The following GPSM1 variants were observed in gnomAD, a reference collection of about 807,000 sequenced individuals.
GPSM1 encodes the protein G protein-signaling modulator 1.
In GPSM1, 48 loss-of-function variants were observed where a neutral mutation model predicts 70.5. The ratio of observed to expected loss-of-function variants is 0.68; its 90% CI spans 0.54 to 0.87. The LOEUF (loss-of-function observed/expected upper bound fraction) is 0.87. GPSM1 is among the 40% of genes least tolerant of loss of function. The pLI, the probability that GPSM1 is intolerant of heterozygous loss-of-function variation, is 0.00. For missense variants in GPSM1, 981 were observed against 972.6 expected (o/e 1.01, Z -0.11); for synonymous variants, 416 against 430.1 (o/e 0.97, Z 0.41).
chr9:136,330,284 C>T (rs373688834), intron 1 of GPSM1, among the ~76,000 whole-genome samples: 1 of 152,126 alleles, frequency 6.6e-6, no homozygotes, highest in Non-Finnish European at 1.5e-5. Flanking sequence ...CAGCAGTCAC[C>T]AGCTCCCAGA....
intron 9 of GPSM1, 36 bp from the exon 10 acceptor site, chr9:136,348,661 G>A: frequency 6.5e-7 from 1 of 1,543,794 alleles, no homozygotes; most frequent in Middle Eastern, 2.0e-4. Context: ...GAGGTGCCAG[G>A]GTGGTGCTGG....
At chr9:136,339,184 GGA>G (rs1554769792) in intron 7 of GPSM1, among the ~76,000 whole-genome samples, 1 of 152,212 alleles carries the variant, frequency 6.6e-6, no homozygotes, top group East Asian at 1.9e-4. Flanking sequence ...GGCGTGGTGA[GGA>G]GAATGTTCTG....
chr9:136,339,436 A>T (rs1280044341), intron 7 of GPSM1, among the ~76,000 whole-genome samples: 4 of 152,292 alleles, frequency 2.6e-5, no homozygotes, highest in Admixed American at 2.6e-4. Flanking sequence ...AGAGCCGGCC[A>T]CAGGCCAGGT....
chr9:136,327,670 G>GGCTCCC lies in GPSM1; in HGVS notation c.-17_-12dup, dbSNP rs1176321253. The GGCTCCC allele has an allele frequency of 7.1e-6, 7 of 991,904 alleles. No individual in the cohort carries two copies. The highest frequency in any genetic ancestry group is 8.6e-6 in the Non-Finnish European group (7 of 810,306). 61.4% of individuals were successfully genotyped at this position (991,904 alleles called of 1,614,324 possible). A position where few individuals can be genotyped will look rare whatever the true frequency, so the allele number is the denominator to read the frequency against. On this transcript the variant is annotated 5_prime_UTR_variant, in exon 1 of 14. Coordinates refer to ENST00000440944, the MANE Select transcript of GPSM1 (RefSeq NM_001145638.3). The stretch of plus-strand genomic sequence containing the variant: ...CGGCCACGGCGCGGGGGGCGCTCCC[G>GGCTCCC]GCTCCCGCTCCCGCGTCCCCGACCC...
chr9:136,357,589 G>C (rs1327496331), intron 13 of GPSM1, among the ~76,000 whole-genome samples: 1 of 152,234 alleles, frequency 6.6e-6, no homozygotes, highest in African/African-American at 2.4e-5. Context: ...TGGAAGCTGA[G>C]ACCTCAGGCC....
Position 136,334,305 on chromosome 9 carries a change from G to A in GPSM1, c.69-142G>A, listed in dbSNP as rs117889864. ...CGTGCTTCCAGGCCTGTATCCCAAA[G>A]AGACACTTAGGTCTGTGAGCACAGA... On this transcript the variant is annotated intron_variant, in intron 1 of 13. Transcript: ENST00000440944. 2.6e-4 allele frequency: 165 copies of A among 641,310 alleles called. 1 individual carries two copies. The East Asian group carries it at 4.4e-3, about 17-fold the overall frequency. The allele number at this position is 641,310 out of a possible 1,614,324, so 39.7% of individuals were successfully genotyped here.
Position 136,349,703 on chromosome 9 carries a change from C to G in GPSM1, c.1395C>G (p.Pro465=). 2 of 1,567,966 alleles carry G rather than the reference C, an allele frequency of 1.3e-6. No homozygotes were observed. Among genetic ancestry groups the G allele is most frequent in the African/African-American group, 1.3e-5 (1 of 74,318 alleles). The part of the protein sequence containing the change: ...YQEGPDAERR[P]REGSHSPLDS... ...AAGGCCCGGACGCTGAGAGGAGGCC[C>G]CGGGAGGGCAGCCACTCCCCGCTGG... Residue 465 remains proline, a synonymous_variant, in exon 11 of 14, where the codon CCC becomes CCG. Transcript: ENST00000440944.
intron 1 of GPSM1, among the ~76,000 whole-genome samples, chr9:136,331,254 C>T (rs969313644): frequency 3.9e-5 from 6 of 152,096 alleles, no homozygotes; most frequent in Non-Finnish European, 7.4e-5. Context: ...CCAGGCCCCA[C>T]GTGGCCCTGA....
Position 136,327,758 on chromosome 9 carries a change from C to A in GPSM1, c.63C>A (p.Tyr21Ter). The A allele has an allele frequency of 1.7e-6, 2 of 1,183,890 alleles. No homozygotes were observed. Among genetic ancestry groups the A allele is most frequent in the East Asian group, 3.7e-5 (1 of 27,100 alleles). 73.3% of individuals were successfully genotyped at this position (1,183,890 alleles called of 1,614,324 possible). A position where few individuals can be genotyped will look rare whatever the true frequency, so the allele number is the denominator to read the frequency against. ...ELPGPAARRL[Y>*]SRMEASCLEL... is the part of the protein sequence containing the mutation. ...CGGGCCCGGCCGCCAGGCGCCTCTA[C>A]TCCAGGTAGGACGGGCCGGGGCCGG... Residue 21 changes from tyrosine to a stop codon, truncating the protein, a stop_gained, in exon 1 of 14, where the codon TAC becomes TAA. Coordinates refer to ENST00000440944, the MANE Select transcript of GPSM1 (RefSeq NM_001145638.3). LOFTEE classifies it high-confidence loss of function.
At position 136,358,273 on chromosome 9, in the gene GPSM1, TCA is replaced by T. The variant is rs1262977169; in HGVS notation, c.*56_*57del. The T allele has an allele frequency of 9.2e-6, 13 of 1,418,376 alleles. No homozygotes were observed. The highest frequency in any genetic ancestry group is 2.5e-5 in the East Asian group (1 of 40,256). 87.9% of individuals were successfully genotyped at this position (1,418,376 alleles called of 1,614,324 possible). ...CTGCCCCCACTCCTGGACGCCGGTC[TCA>T]CAGTCACAGCCACGTCCTCCCGAGG... On this transcript the variant is annotated 3_prime_UTR_variant, in exon 14 of 14. Transcript: ENST00000440944.
chr9:136,329,100 C>T (rs782750085), intron 1 of GPSM1, among the ~76,000 whole-genome samples: 1 of 152,188 alleles, frequency 6.6e-6, no homozygotes, highest in Non-Finnish European at 1.5e-5. Flanking sequence ...CAGCTAGAAG[C>T]CTGGGGTCCC....
intron 11 of GPSM1, among the ~76,000 whole-genome samples, chr9:136,350,043 C>T (rs1234989354): frequency 6.6e-6 from 1 of 152,244 alleles, no homozygotes; most frequent in East Asian, 1.9e-4. Context: ...TGGAACGCCC[C>T]GCCTCTCTTT....
rs1832426333 is a variant in GPSM1 at position 136,342,796 on chromosome 9, G to T, written c.1207+1803G>T. 6.6e-6 allele frequency among the ~76,000 whole-genome samples: 1 copy of T among 152,054 alleles called. No individual in the cohort carries two copies. The highest frequency in any genetic ancestry group is 2.4e-5 in the African/African-American group (1 of 41,410). On this transcript the variant is annotated intron_variant, in intron 9 of 13. Coordinates refer to ENST00000440944, the MANE Select transcript of GPSM1 (RefSeq NM_001145638.3). The surrounding 1 kb of genome is among the most constrained non-coding windows in gnomAD (Gnocchi z 5.5). ...GGGTGCAGAGCCGCGCTAGAGCCTG[G>T]CCGTGCGGAGGGGGCGCCAGGGCTG...
Position 136,356,450 on chromosome 9 carries a change from C to G in GPSM1, c.1721C>G (p.Pro574Arg). 2 of 1,611,382 alleles carry G rather than the reference C, an allele frequency of 1.2e-6. No homozygotes were observed. The highest frequency in any genetic ancestry group is 8.5e-7 in the Non-Finnish European group (1 of 1,179,016). Residue 574 changes from proline (P) to arginine (R), a missense_variant, in exon 13 of 14, where the codon CCG becomes CGG. Coordinates refer to ENST00000440944, the MANE Select transcript of GPSM1 (RefSeq NM_001145638.3). ...CAGCGGGCCAGCGTGGGCAGCCTGCCGGGGCTGCGAATCACCCACAGCAAT... is the reference window on the plus strand; with the variant it reads ...CAGCGGGCCAGCGTGGGCAGCCTGCGGGGGCTGCGAATCACCCACAGCAAT... The part of the protein sequence containing the change: ...DDQRASVGSL[P>R]GLRITHSNAG...
At chr9:136,335,854 A>G in intron 2 of GPSM1, 112 bp from the exon 3 acceptor site, 7 of 1,117,164 alleles carry the variant, frequency 6.3e-6, no homozygotes, top group Non-Finnish European at 9.0e-6. Context: ...GCTCCTGTCC[A>G]CTCCATGCTG....
chr9:136,334,768 G>A (rs1832190834), intron 2 of GPSM1, 100 bp downstream of exon 2: 1 of 973,952 alleles, frequency 1.0e-6, no homozygotes, highest in Non-Finnish European at 1.5e-6. Flanking sequence ...GGCCCTGCTG[G>A]CGCGGTGAGT....
rs781876064 is a variant in GPSM1, at chr9:136,337,883, C to G, written c.740C>G (p.Ala247Gly). 6.2e-7 allele frequency: 1 copy of G among 1,612,622 alleles called. No individual in the cohort carries two copies. Among genetic ancestry groups the G allele is most frequent in the South Asian group, 1.1e-5 (1 of 91,082 alleles). ...AIAKEFGDKA[A>G]ERRAYSNLGN... is the part of the protein sequence containing the mutation. ...GCTAAGGAGTTTGGAGACAAGGCAG[C>G]CGAGAGGAGGGCCTACAGCAACCTG... The change falls in exon 6 of 14, where the codon GCC becomes GGC. Residue 247 changes from alanine to glycine, a missense_variant. By Grantham distance (60) the Ala-to-Gly change is moderately conservative. Transcript: ENST00000440944.
Position 136,331,364 on chromosome 9 carries a change from G to GCCCC in GPSM1, c.69-3074_69-3071dup, listed in dbSNP as rs33950584. On this transcript the variant is annotated intron_variant, in intron 1 of 13. Transcript: ENST00000440944. ...GGGGCTGGCATGGTGAGGACTCTGA[G>GCCCC]CCCCCCCCCCCCGCTGCCCCATGCT... Among the ~76,000 whole-genome samples the GCCCC allele has an allele frequency of 1.7e-3, 214 of 126,578 alleles. 7 individuals carry two copies. Among genetic ancestry groups the GCCCC allele is most frequent in the African/African-American group, 5.7e-3 (184 of 32,058 alleles). The allele number at this position is 126,578 out of a possible 152,430, so 83.0% of individuals were successfully genotyped here.
chr9:136,329,351 C>G (rs1249595012), intron 1 of GPSM1, among the ~76,000 whole-genome samples: 1 of 152,250 alleles, frequency 6.6e-6, no homozygotes, highest in Non-Finnish European at 1.5e-5. Context: ...CAGGCGGTTC[C>G]TGGTCGGAGC....
Sources: allele counts gnomAD v4.1 joint callset (sites outside exome capture counted in the v4.1 genomes callset), GRCh38; gene constraint gnomAD v4.1.1; non-coding constraint Gnocchi (gnomAD v3.1); transcripts MANE v1.5; gene names NCBI Gene and HGNC (gene_info 2026-07-23, HGNC 2026-07-21).